EVI5: variants seen among roughly 807,000 people sequenced by gnomAD.
EVI5 encodes the protein ecotropic viral integration site 5 protein homolog.
A neutral mutation model predicts 112.0 loss-of-function variants in EVI5; 73 were observed. The ratio of observed to expected loss-of-function variants is 0.65; its 90% CI spans 0.54 to 0.79. The LOEUF is 0.79. Among genes scored for constraint, EVI5 ranks in the 30% least tolerant of loss-of-function variants. The pLI, the probability that EVI5 is intolerant of heterozygous loss-of-function variation, is 0.00. For missense variants in EVI5, 900 were observed against 968.8 expected (o/e 0.93, Z 0.94); for synonymous variants, 305 against 319.9 (o/e 0.95, Z 0.50).
intron 13 of EVI5, among the ~76,000 whole-genome samples, chr1:92,660,689 T>C (rs1238140424): frequency 1.3e-5 from 2 of 151,934 alleles, no homozygotes; most frequent in Non-Finnish European, 2.9e-5. Context: ...AAAAAGTGAA[T>C]AGATATGCTA....
At chr1:92,542,814 G>A (rs1165395531) in intron 19 of EVI5, among the ~76,000 whole-genome samples, 3 of 152,300 alleles carry the variant, frequency 2.0e-5, no homozygotes, top group Non-Finnish European at 4.4e-5. Flanking sequence ...GAGCTCTTGG[G>A]TGACTAGTTG....
chr1:92,749,290 A>G (rs1239998504), intron 1 of EVI5: 2 of 313,528 alleles, frequency 6.4e-6, no homozygotes, highest in Non-Finnish European at 1.2e-5. Context: ...TGTACCAGCC[A>G]TGGTATAGAG....
intron 5 of EVI5, among the ~76,000 whole-genome samples, chr1:92,701,794 TTTC>T (rs1270172647): frequency 6.6e-6 from 1 of 150,762 alleles, no homozygotes; most frequent in East Asian, 2.0e-4. Flanking sequence ...TAAATAAGAT[TTTC>T]TTACCAACAC....
At chr1:92,547,890 G>A (rs1259708772) in intron 19 of EVI5, among the ~76,000 whole-genome samples, 1 of 152,172 alleles carries the variant, frequency 6.6e-6, no homozygotes, top group Non-Finnish European at 1.5e-5. Context: ...AGGACCAGAT[G>A]GATTCACAGC....
intron 19 of EVI5, among the ~76,000 whole-genome samples, chr1:92,554,082 C>A (rs1667354986): frequency 6.6e-6 from 1 of 152,160 alleles, no homozygotes; most frequent in Non-Finnish European, 1.5e-5. Flanking sequence ...ATGCTAGTAG[C>A]ACCAAATGGA....
chr1:92,707,788 C>T (rs1338003387), intron 2 of EVI5, among the ~76,000 whole-genome samples: 3 of 152,018 alleles, frequency 2.0e-5, no homozygotes, highest in African/African-American at 7.3e-5. Flanking sequence ...AACATATGTA[C>T]AAAGAAGACA....
intron 2 of EVI5, 46 bp from the exon 3 acceptor site, chr1:92,704,790 A>ATTTC: frequency 1.1e-6 from 1 of 881,346 alleles, no homozygotes; most frequent in Non-Finnish European, 1.7e-6. Context: ...GGACAGTGAT[A>ATTTC]TTAGAAGAGG....
intron 1 of EVI5, among the ~76,000 whole-genome samples, chr1:92,736,926 T>C (rs1183512477): frequency 1.3e-5 from 2 of 152,186 alleles, no homozygotes; most frequent in Non-Finnish European, 2.9e-5. Context: ...ATTAAAGATA[T>C]GCTGTCTAAT....
At chr1:92,721,001 G>A (rs574042639) in intron 2 of EVI5, among the ~76,000 whole-genome samples, 1 of 152,306 alleles carries the variant, frequency 6.6e-6, no homozygotes, top group African/African-American at 2.4e-5. Context: ...CAGTTAGAAT[G>A]GCAATCATTA....
chr1:92,533,422 C>T (rs1196957479), intron 19 of EVI5, among the ~76,000 whole-genome samples: 1 of 152,034 alleles, frequency 6.6e-6, no homozygotes, highest in Non-Finnish European at 1.5e-5. Flanking sequence ...AGGGAATCCT[C>T]CTTAACTCAT....
chr1:92,513,662 A>G lies in EVI5; in HGVS notation c.2475T>C (p.Thr825=). The G allele has an allele frequency of 6.2e-7, 1 of 1,600,540 alleles. No individual in the cohort carries two copies. The highest frequency in any genetic ancestry group is 8.5e-7 in the Non-Finnish European group (1 of 1,171,724). The change falls in exon 20 of 20, where the codon ACT becomes ACC. Residue 825 remains threonine, a synonymous_variant. Transcript: ENST00000684568. ...GTCTAGGTCACAGTGATGGTCAGACAGTGGTTGAATACGACTCTCTTCTTC... is the reference window on the plus strand; with the variant it reads ...GTCTAGGTCACAGTGATGGTCAGACGGTGGTTGAATACGACTCTCTTCTTC... ...PPRRRESYST[T]V
intron 9 of EVI5, 32 bp downstream of exon 9, chr1:92,693,770 C>T (rs1401448521): frequency 2.5e-6 from 3 of 1,220,896 alleles, no homozygotes; most frequent in Non-Finnish European, 2.4e-6. Flanking sequence ...GCAACTTCCA[C>T]TGAATTTCCA....
chr1:92,562,410 G>T (rs1160957006), intron 19 of EVI5, among the ~76,000 whole-genome samples: 1 of 152,010 alleles, frequency 6.6e-6, no homozygotes, highest in Non-Finnish European at 1.5e-5. Context: ...GGCGCCTGTA[G>T]TCCCAGCTAC....
intron 2 of EVI5, among the ~76,000 whole-genome samples, chr1:92,712,399 A>G (rs967207037): frequency 6.6e-6 from 1 of 152,152 alleles, no homozygotes; most frequent in African/African-American, 2.4e-5. Context: ...GGCTCCTCCC[A>G]AATATTATGA....
chr1:92,644,610 T>C (rs1660604631), intron 13 of EVI5, among the ~76,000 whole-genome samples: 1 of 152,190 alleles, frequency 6.6e-6, no homozygotes, highest in Admixed American at 6.5e-5. Flanking sequence ...TGAGACTTAC[T>C]GACTTGCCTA....
chr1:92,606,886 T>TCA lies in EVI5; in HGVS notation c.1974+693_1974+694dup, dbSNP rs559617956. 8.5e-3 allele frequency among the ~76,000 whole-genome samples: 565 copies of TCA among 66,322 alleles called. 1 individual carries two copies. The highest frequency in any genetic ancestry group is 0.018 in the South Asian group (28 of 1,570). 43.5% of individuals were successfully genotyped at this position (66,322 alleles called of 152,430 possible). Reference sequence around the variant, plus strand: ...GTCTACAGTCATCTCTTTAGTTATTTCACACACACACACACACACACACAC... The same window carrying TCA: ...GTCTACAGTCATCTCTTTAGTTATTTCACACACACACACACACACACACACAC... On this transcript the variant is annotated intron_variant, in intron 17 of 19. Transcript: ENST00000684568.
At chr1:92,578,610 C>A (rs934753099) in intron 18 of EVI5, among the ~76,000 whole-genome samples, 1 of 151,440 alleles carries the variant, frequency 6.6e-6, no homozygotes, top group Non-Finnish European at 1.5e-5. Context: ...CCCAGCTACT[C>A]GGGAGGCTGA....
intron 1 of EVI5, among the ~76,000 whole-genome samples, chr1:92,758,466 G>A (rs1681295712): frequency 6.6e-6 from 1 of 151,568 alleles, no homozygotes; most frequent in Non-Finnish European, 1.5e-5. Context: ...CTACTCAGGA[G>A]CCTGAGGCAG....
chr1:92,563,163 A>G (rs931294565), intron 19 of EVI5, among the ~76,000 whole-genome samples: 15 of 152,182 alleles, frequency 9.9e-5, no homozygotes, highest in Admixed American at 7.9e-4. Context: ...AAAAGCATTC[A>G]GATACTAAGA....
Sources: allele counts gnomAD v4.1 joint callset (sites outside exome capture counted in the v4.1 genomes callset), GRCh38; gene constraint gnomAD v4.1.1; transcripts MANE v1.5; gene names NCBI Gene and HGNC (gene_info 2026-07-23, HGNC 2026-07-21).